ABCC1: variants seen among roughly 807,000 people sequenced by gnomAD.
ABCC1 encodes multidrug resistance-associated protein 1.
Under a neutral mutation model 172.9 loss-of-function variants are expected in ABCC1, and 83 were observed. The ratio of observed to expected loss-of-function variants is 0.48; its 90% CI spans 0.40 to 0.58. The LOEUF (loss-of-function observed/expected upper bound fraction) is 0.58, where lower values mean the gene tolerates loss of function less well. Ranked by LOEUF, ABCC1 falls within the 20% of genes least tolerant of loss-of-function variation. ABCC1 has a pLI of 0.00. For missense variants in ABCC1, 1,817 were observed against 2,002.7 expected (o/e 0.91, Z 1.77); for synonymous variants, 937 against 825.2 (o/e 1.14, Z -2.32).
At chr16:16,100,758 G>T (rs1036483605) in intron 19 of ABCC1, among the ~76,000 whole-genome samples, 2 of 152,188 alleles carry the variant, frequency 1.3e-5, no homozygotes, top group Non-Finnish European at 2.9e-5. Flanking sequence ...CAGGCACTGC[G>T]TGCAGTCTCG....
At chr16:16,006,432 A>AAG (rs1327880401) in intron 1 of ABCC1, among the ~76,000 whole-genome samples, 1 of 151,846 alleles carries the variant, frequency 6.6e-6, no homozygotes, top group Non-Finnish European at 1.5e-5. Flanking sequence ...AAAGAAAAAA[A>AAG]AAAGAAAAAT....
intron 20 of ABCC1, among the ~76,000 whole-genome samples, chr16:16,103,079 G>A (rs2051845550): frequency 6.6e-6 from 1 of 152,160 alleles, no homozygotes; most frequent in African/African-American, 2.4e-5. Context: ...GCCAGGTGTG[G>A]TGGCTCCTGC....
intron 16 of ABCC1, among the ~76,000 whole-genome samples, chr16:16,080,930 T>C (rs1193703638): frequency 3.3e-5 from 5 of 152,186 alleles, no homozygotes; most frequent in Non-Finnish European, 7.3e-5. Context: ...AGTCGTGTGA[T>C]CTTGACTCAC....
intron 12 of ABCC1, among the ~76,000 whole-genome samples, chr16:16,058,533 C>T (rs946867452): frequency 6.6e-6 from 1 of 152,250 alleles, no homozygotes; most frequent in South Asian, 2.1e-4. Context: ...CGTGTTCATG[C>T]TCCCACTGAA....
rs1001139839 is a variant in ABCC1 at position 15,954,924 on chromosome 16, G to T, written c.48+5125G>T. Among the ~76,000 whole-genome samples, 5 of 152,272 alleles carry T rather than the reference G, an allele frequency of 3.3e-5. No homozygotes were observed. The East Asian group carries it at 9.7e-4, about 29-fold the overall frequency. On this transcript the variant is annotated intron_variant, in intron 1 of 30. Transcript: ENST00000399410. The stretch of plus-strand genomic sequence containing the variant: ...TCTTCCCATGTCAGTCTCCAGCTTT[G>T]ACTTCTCTTTTTCTCCTCCCATTCC...
chr16:15,999,815 T>TCTC (rs2151678227), intron 1 of ABCC1, among the ~76,000 whole-genome samples: 1 of 55,064 alleles, frequency 1.8e-5, no homozygotes, highest in East Asian at 4.4e-4. Context: ...CTCTCCTCTC[T>TCTC]CTCTCTCTCT....
intron 7 of ABCC1, among the ~76,000 whole-genome samples, chr16:16,039,420 A>G (rs1325529062): frequency 6.6e-6 from 1 of 151,426 alleles, no homozygotes. Flanking sequence ...GGTGCATGCC[A>G]CCACGCCTGA....
At chr16:16,040,539 G>A (rs952473312) in intron 7 of ABCC1, among the ~76,000 whole-genome samples, 2 of 151,956 alleles carry the variant, frequency 1.3e-5, no homozygotes, top group Non-Finnish European at 2.9e-5. Flanking sequence ...TGCCTGCCTC[G>A]GCCTCCCAAA....
In ABCC1 at chr16:16,124,347, GTGATTATA is replaced by G. The variant is rs2045321575; in HGVS notation, c.3591-441_3591-434del. ...TGTGTGTGTGTGTGTGTGTGTGTGT[GTGATTATA>G]GGAGTGACCCACTACGCCCGGCTGT... On this transcript the variant is annotated intron_variant, in intron 24 of 30. Coordinates refer to ENST00000399410, the MANE Select transcript of ABCC1 (RefSeq NM_004996.4). 1.7e-5 allele frequency among the ~76,000 whole-genome samples: 2 copies of G among 118,200 alleles called. 1 individual carries two copies. The highest frequency in any genetic ancestry group is 6.5e-5 in the African/African-American group (2 of 30,868). 77.5% of individuals were successfully genotyped at this position (118,200 alleles called of 152,430 possible).
chr16:15,999,007 T>A (rs1039748113), intron 1 of ABCC1, among the ~76,000 whole-genome samples: 5 of 152,224 alleles, frequency 3.3e-5, no homozygotes, highest in East Asian at 3.9e-4. Context: ...AAAAAAATTT[T>A]TATATTTTTT....
At chr16:16,020,514 C>G (rs537268987) in intron 5 of ABCC1, among the ~76,000 whole-genome samples, 3 of 152,148 alleles carry the variant, frequency 2.0e-5, no homozygotes, top group Non-Finnish European at 4.4e-5. Flanking sequence ...CAGCCACTCG[C>G]GTTCATCACA....
chr16:16,133,595 G>T (rs1033834803), intron 27 of ABCC1, among the ~76,000 whole-genome samples: 1 of 151,956 alleles, frequency 6.6e-6, no homozygotes, highest in African/African-American at 2.4e-5. Flanking sequence ...GTAGAGATGG[G>T]GTTTTACCAT....
rs2049117738 is a variant in ABCC1, at chr16:16,044,498, A to G, written c.858A>G (p.Lys286=). The change falls in exon 8 of 31, where the codon AAA becomes AAG. Residue 286 remains lysine (K), a synonymous_variant. Coordinates refer to ENST00000399410, the MANE Select transcript of ABCC1 (RefSeq NM_004996.4). ...CCTCCAAGGATCCTGCCCAGCCGAA[A>G]GAGAGTTCCAAGGTGGATGCGAATG... is the stretch of plus-strand genomic sequence containing the variant. The part of the protein sequence containing the change: ...VYSSKDPAQP[K]ESSKVDANEE... 1 of 1,614,214 alleles carries G rather than the reference A, an allele frequency of 6.2e-7. No homozygotes were observed. Among genetic ancestry groups the G allele is most frequent in the Non-Finnish European group, 8.5e-7 (1 of 1,180,022 alleles).
At chr16:16,026,654 G>T (rs1167268858) in intron 5 of ABCC1, among the ~76,000 whole-genome samples, 1 of 151,704 alleles carries the variant, frequency 6.6e-6, no homozygotes, top group Non-Finnish European at 1.5e-5. Context: ...GGTGGGTCAT[G>T]CCTGTAATCC....
At chr16:15,954,046 C>T (rs762777) in intron 1 of ABCC1, among the ~76,000 whole-genome samples, 106,134 of 140,328 alleles carry the variant, frequency 0.76, 40,552 homozygotes, top group Non-Finnish European at 0.83. Context: ...CTTGCTGTGT[C>T]GCCCAGGCTA....
chr16:16,114,878 T>G lies in ABCC1; in HGVS notation c.3192T>G (p.Phe1064Leu), dbSNP rs2044784920. The G allele has an allele frequency of 6.2e-7, 1 of 1,613,854 alleles. No individual in the cohort carries two copies. The highest frequency in any genetic ancestry group is 1.3e-5 in the African/African-American group (1 of 74,944). Reference protein sequence around the residue: ...HSILRSPMSFFERTPSGNLVN... With the variant: ...HSILRSPMSFLERTPSGNLVN... ...TCCTGCGGTCACCCATGAGCTTCTT[T>G]GAGCGGACCCCCAGTGGGAACCTGG... The change falls in exon 23 of 31, where the codon TTT (phenylalanine) becomes TTG (leucine). Residue 1064 changes from phenylalanine to leucine, a missense_variant. Transcript: ENST00000399410.
At chr16:16,102,792 A>G in intron 20 of ABCC1, 75 bp downstream of exon 20, 2 of 1,420,314 alleles carry the variant, frequency 1.4e-6, no homozygotes, top group Non-Finnish European at 1.9e-6. Context: ...GAACAAAAAA[A>G]GGCCTCAGCC....
intron 19 of ABCC1, among the ~76,000 whole-genome samples, chr16:16,091,507 T>G (rs1471372445): frequency 6.6e-6 from 1 of 151,608 alleles, no homozygotes; most frequent in Admixed American, 6.6e-5. Flanking sequence ...TTGTGGCAAC[T>G]CAGGCAGGGG....
chr16:16,093,311 C>T (rs905212748), intron 19 of ABCC1, among the ~76,000 whole-genome samples: 3 of 152,084 alleles, frequency 2.0e-5, no homozygotes, highest in Admixed American at 2.0e-4. Flanking sequence ...TGAGGTCTGT[C>T]TCTCTACCCT....
Sources: allele counts gnomAD v4.1 joint callset (sites outside exome capture counted in the v4.1 genomes callset), GRCh38; gene constraint gnomAD v4.1.1; transcripts MANE v1.5; gene names NCBI Gene and HGNC (gene_info 2026-07-23, HGNC 2026-07-21).